The following ERBB4 variants were observed in gnomAD, a reference collection of about 807,000 sequenced individuals.
The protein encoded by ERBB4 is receptor tyrosine-protein kinase erbB-4.
Under a neutral mutation model 158.0 loss-of-function variants are expected in ERBB4, and 42 were observed. The observed-to-expected ratio is 0.27, with a 90% CI of 0.21 to 0.34. The LOEUF is 0.34. Among genes scored for constraint, ERBB4 ranks in the 10% least tolerant of loss-of-function variants. The pLI, the probability that ERBB4 is intolerant of heterozygous loss-of-function variation, is 1.00. For synonymous variants in ERBB4, 583 were observed against 558.7 expected, an observed-to-expected ratio of 1.04 and a Z score of -0.61; for missense variants, 1,333 against 1,624.1, an observed-to-expected ratio of 0.82 and a Z score of 3.08.
At chr2:211,838,520 A>G (rs1392313842) in intron 3 of ERBB4, among the ~76,000 whole-genome samples, 2 of 152,174 alleles carry the variant, frequency 1.3e-5, no homozygotes, top group African/African-American at 4.8e-5. Flanking sequence ...AGATATTAAA[A>G]GTGAAGTTTT....
chr2:212,173,130 C>G (rs2081569312), intron 1 of ERBB4, among the ~76,000 whole-genome samples: 1 of 151,968 alleles, frequency 6.6e-6, no homozygotes, highest in Non-Finnish European at 1.5e-5. Context: ...CTTAATTGAT[C>G]TCTTATTATA....
intron 1 of ERBB4, among the ~76,000 whole-genome samples, chr2:212,319,742 T>G (rs1034874109): frequency 1.3e-5 from 2 of 150,484 alleles, no homozygotes; most frequent in Admixed American, 1.3e-4. Flanking sequence ...CCTCCTGTTT[T>G]CTTCTAAAGG....
intron 1 of ERBB4, among the ~76,000 whole-genome samples, chr2:212,219,596 T>A (rs910699775): frequency 3.3e-5 from 5 of 151,350 alleles, no homozygotes; most frequent in Admixed American, 1.3e-4. Context: ...AATCTAATTA[T>A]ATTATTCATG....
At chr2:212,433,201 A>G (rs957253479) in intron 1 of ERBB4, among the ~76,000 whole-genome samples, 2 of 152,066 alleles carry the variant, frequency 1.3e-5, no homozygotes, top group South Asian at 2.1e-4. Flanking sequence ...TTCATAGGAT[A>G]ATTAATATTT....
chr2:212,005,522 T>G (rs1404957867), intron 2 of ERBB4, among the ~76,000 whole-genome samples: 2 of 152,132 alleles, frequency 1.3e-5, no homozygotes, highest in African/African-American at 2.4e-5. Flanking sequence ...CAAGGAAGGC[T>G]TTCTGGAGGA....
chr2:211,619,015 T>C (rs1025802484), intron 19 of ERBB4, among the ~76,000 whole-genome samples, 162 bp downstream of exon 19: 1 of 152,134 alleles, frequency 6.6e-6, no homozygotes, highest in Admixed American at 6.6e-5. Context: ...AAAAGTATAA[T>C]ACAATGTGAA....
chr2:212,313,008 G>T (rs1197659299), intron 1 of ERBB4, among the ~76,000 whole-genome samples: 1 of 150,682 alleles, frequency 6.6e-6, no homozygotes, highest in East Asian at 2.0e-4. Flanking sequence ...AAAGTACAGT[G>T]AATAATACTG....
intron 2 of ERBB4, among the ~76,000 whole-genome samples, chr2:212,024,340 A>C (rs1214777492): frequency 2.0e-5 from 3 of 151,952 alleles, no homozygotes; most frequent in Non-Finnish European, 4.4e-5. Flanking sequence ...AAAAAAAACA[A>C]AGAGCTTTGT....
intron 1 of ERBB4, among the ~76,000 whole-genome samples, chr2:212,128,835 A>G (rs74621143): frequency 0.043 from 6,524 of 152,180 alleles, 487 homozygotes; most frequent in African/African-American, 0.15. Context: ...ACATAAGGAG[A>G]AGAAGAAGAA....
intron 20 of ERBB4, among the ~76,000 whole-genome samples, chr2:211,438,466 C>CTTTCT (rs2063904103): frequency 6.6e-6 from 1 of 152,020 alleles, no homozygotes; most frequent in Admixed American, 6.6e-5. Context: ...GTTTGTTTCA[C>CTTTCT]TTTCTTTATT....
At chr2:212,095,145 G>C (rs1319907152) in intron 2 of ERBB4, among the ~76,000 whole-genome samples, 2 of 152,130 alleles carry the variant, frequency 1.3e-5, no homozygotes, top group African/African-American at 2.4e-5. Flanking sequence ...TGAGAAAAAA[G>C]TCACTAGGCA....
At chr2:212,057,225 G>A (rs945571516) in intron 2 of ERBB4, among the ~76,000 whole-genome samples, 1 of 152,192 alleles carries the variant, frequency 6.6e-6, no homozygotes, top group African/African-American at 2.4e-5. Flanking sequence ...AACAAGAAGA[G>A]CTAACTGTTC....
Position 211,492,830 on chromosome 2 carries a change from C to T in ERBB4, c.2488-61730G>A, listed in dbSNP as rs903208902. Among the ~76,000 whole-genome samples the T allele has an allele frequency of 3.9e-5, 6 of 152,100 alleles. 1 individual carries two copies. Among genetic ancestry groups the T allele is most frequent in the African/African-American group, 1.4e-4 (6 of 41,448 alleles). On this transcript the variant is annotated intron_variant, in intron 20 of 27. Coordinates refer to ENST00000342788, the MANE Select transcript of ERBB4 (RefSeq NM_005235.3). ...CAAGCTGTTCTAATCAGATCCACTG[C>T]TAACTCAACACATCAGCTGGCTTCT...
chr2:212,444,176 A>G (rs1273642349), intron 1 of ERBB4, among the ~76,000 whole-genome samples: 3 of 152,194 alleles, frequency 2.0e-5, no homozygotes, highest in African/African-American at 7.2e-5. Flanking sequence ...CAGAGGAAGA[A>G]AAGACTAGGG....
intron 16 of ERBB4, among the ~76,000 whole-genome samples, chr2:211,647,714 A>G (rs999095297): frequency 3.3e-5 from 5 of 151,832 alleles, no homozygotes; most frequent in African/African-American, 9.6e-5. Flanking sequence ...TGGCTCCCCA[A>G]TTCCCTGATT....
chr2:211,492,947 T>C (rs1345569516), intron 20 of ERBB4, among the ~76,000 whole-genome samples: 2 of 152,104 alleles, frequency 1.3e-5, no homozygotes, highest in African/African-American at 2.4e-5. Context: ...TTGCTAATCA[T>C]GCAGAAACTA....
intron 2 of ERBB4, among the ~76,000 whole-genome samples, chr2:212,036,594 A>G (rs1264930761): frequency 6.6e-6 from 1 of 151,630 alleles, no homozygotes; most frequent in Non-Finnish European, 1.5e-5. Context: ...CCTCCTGAGT[A>G]GCTGGGACTA....
At position 211,547,112 on chromosome 2, in the gene ERBB4, T is replaced by C. The variant is rs566367888; in HGVS notation, c.2487+14791A>G. 4.6e-5 allele frequency among the ~76,000 whole-genome samples: 7 copies of C among 152,246 alleles called. 1 individual carries two copies. The highest frequency in any genetic ancestry group is 1.7e-4 in the African/African-American group (7 of 41,568). On this transcript the variant is annotated intron_variant, in intron 20 of 27. Transcript: ENST00000342788. ...GAAAAAGTTATGCAGATTTTATTAA[T>C]GTCAGTTTCCTGACTGTAATACTGC...
chr2:211,496,327 C>A (rs1328189221), intron 20 of ERBB4, among the ~76,000 whole-genome samples: 1 of 151,952 alleles, frequency 6.6e-6, no homozygotes, highest in African/African-American at 2.4e-5. Flanking sequence ...ATATACAGTT[C>A]CCTACTTGAC....
Sources: allele counts gnomAD v4.1 joint callset (sites outside exome capture counted in the v4.1 genomes callset), GRCh38; gene constraint gnomAD v4.1.1; transcripts MANE v1.5; gene names NCBI Gene and HGNC (gene_info 2026-07-23, HGNC 2026-07-21).